USF2: variants seen among roughly 807,000 people sequenced by gnomAD.
USF2 encodes upstream stimulatory factor 2.
In USF2, 16 loss-of-function variants were observed where a neutral mutation model predicts 46.9. That is an observed-to-expected ratio of 0.34 (90% CI 0.23 to 0.52). The LOEUF is 0.52. Ranked by LOEUF, USF2 falls within the 20% of genes least tolerant of loss-of-function variation. USF2 has a pLI of 0.96. For missense variants in USF2, 411 were observed against 474.0 expected, an observed-to-expected ratio of 0.87 and a Z score of 1.23; for synonymous variants, 239 against 194.1, an observed-to-expected ratio of 1.23 and a Z score of -1.92.
chr19:35,278,556 G>A (rs775292893), intron 7 of USF2, 142 bp from the exon 8 acceptor site: 79 of 822,742 alleles, frequency 9.6e-5, no homozygotes, highest in African/African-American at 2.6e-4. Context: ...CTCAGGGTGC[G>A]GCCCCTCACT....
chr19:35,278,915 C>A, intron 8 of USF2, 31 bp from the exon 9 acceptor site: 1 of 1,568,286 alleles, frequency 6.4e-7, no homozygotes, highest in Non-Finnish European at 8.6e-7. Context: ...GCGGTGCCTG[C>A]CCTAAGGCTC....
chr19:35,270,627 G>T lies in USF2; in HGVS notation c.580+30G>T, dbSNP rs2066138758. Reference sequence around the variant, plus strand: ...GGAGTAGAAGTCAGATTGGCAGGTGGGGGAGGCAACGGGCCCAGCAGGGAG... The same window carrying T: ...GGAGTAGAAGTCAGATTGGCAGGTGTGGGAGGCAACGGGCCCAGCAGGGAG... On this transcript the variant is annotated intron_variant, in intron 5 of 9. Transcript: ENST00000222305. The T allele has an allele frequency of 3.1e-6, 5 of 1,611,836 alleles. No homozygotes were observed. The South Asian group carries it at 5.5e-5, about 18-fold the overall frequency.
Position 35,269,492 on chromosome 19 carries a change from G to A in USF2, c.109G>A (p.Gly37Ser). 4 of 1,554,672 alleles carry A rather than the reference G, an allele frequency of 2.6e-6. No individual in the cohort carries two copies. Among genetic ancestry groups the A allele is most frequent in the Non-Finnish European group, 3.5e-6 (4 of 1,156,508 alleles). ...GGAGGAGGGCGTCGAGCTGCAGGAA[G>A]GTGAGTGCTTGCCGGGCCGGCCGCG... ...EAEEGVELQEGGDGPGAEEQT... is the reference protein window; with the variant it reads ...EAEEGVELQESGDGPGAEEQT... Residue 37 changes from glycine to serine, a missense_variant and splice_region_variant, in exon 2 of 10, where the codon GGC (glycine) becomes AGC (serine). Physicochemically the swap from Gly to Ser is moderately conservative, Grantham distance 56 (BLOSUM62 0). This residue lies in a region of USF2 where 318 missense variants were observed against 322.4 expected (regional missense o/e 0.99). Coordinates refer to ENST00000222305, the MANE Select transcript of USF2 (RefSeq NM_003367.4).
intron 4 of USF2, 115 bp from the exon 5 acceptor site, chr19:35,270,332 G>A (rs2066132805): frequency 7.0e-6 from 10 of 1,431,136 alleles, no homozygotes; most frequent in African/African-American, 1.4e-5. Flanking sequence ...CACGCAGAAG[G>A]AGTCCCCACT....
chr19:35,272,883 C>T lies in USF2; in HGVS notation c.727+1742C>T, dbSNP rs533020584. On this transcript the variant is annotated intron_variant, in intron 7 of 9. Coordinates refer to ENST00000222305, the MANE Select transcript of USF2 (RefSeq NM_003367.4). ...GAGTTTGAGGGGCCCCCAGAGCAGCCCCAGCCCCACGACTTACCTGTGGTG... is the reference window on the plus strand; with the variant it reads ...GAGTTTGAGGGGCCCCCAGAGCAGCTCCAGCCCCACGACTTACCTGTGGTG... 6.0e-4 allele frequency among the ~76,000 whole-genome samples: 91 copies of T among 151,904 alleles called. 1 individual carries two copies. Among genetic ancestry groups the T allele is most frequent in the Non-Finnish European group, 4.6e-4 (31 of 67,968 alleles).
rs888682048 is a variant in USF2 at position 35,270,071 on chromosome 19, G to C, written c.429+68G>C. ...AGAGGGGACACTGGCTCTGCTCTTGGGGAGCCCCGGGGGTGGGGCAGGTGT... is the reference window on the plus strand; with the variant it reads ...AGAGGGGACACTGGCTCTGCTCTTGCGGAGCCCCGGGGGTGGGGCAGGTGT... On this transcript the variant is annotated intron_variant, in intron 4 of 9. Coordinates refer to ENST00000222305, the MANE Select transcript of USF2 (RefSeq NM_003367.4). 19 of 1,338,774 alleles carry C rather than the reference G, an allele frequency of 1.4e-5. No individual in the cohort carries two copies. The African/African-American group carries it at 2.8e-4, about 20-fold the overall frequency. The allele number at this position is 1,338,774 out of a possible 1,614,324, so 82.9% of individuals were successfully genotyped here.
intron 4 of USF2, 73 bp from the exon 5 acceptor site, chr19:35,270,374 A>G: frequency 6.4e-7 from 1 of 1,558,262 alleles, no homozygotes; most frequent in African/African-American, 1.4e-5. Context: ...AGTAAACCCC[A>G]AGCACAGCAA....
chr19:35,269,461 C>G lies in USF2; in HGVS notation c.78C>G (p.Pro26=). 1 of 1,545,386 alleles carries G rather than the reference C, an allele frequency of 6.5e-7. No homozygotes were observed. Among genetic ancestry groups the G allele is most frequent in the Non-Finnish European group, 8.7e-7 (1 of 1,154,442 alleles). Residue 26 remains proline, a synonymous_variant, in exon 2 of 10, where the codon CCC becomes CCG. Transcript: ENST00000222305. ...CCCCTGGCAGCCACGACAAGGGACC[C>G]GAGGCGGAGGAGGGCGTCGAGCTGC... is the stretch of plus-strand genomic sequence containing the variant. The part of the protein sequence containing the change: ...AAAAASHDKG[P]EAEEGVELQE...
chr19:35,269,793 C>A lies in USF2; in HGVS notation c.229-10C>A. ...CAGCGCCGGCCTCGCCGCTCTGCCG[C>A]CCCCTGCAGGTGACATACCGCGTAG... On this transcript the variant is annotated splice_polypyrimidine_tract_variant and intron_variant, in intron 3 of 9. Transcript: ENST00000222305. The A allele has an allele frequency of 2.0e-6, 3 of 1,491,514 alleles. No homozygotes were observed. Among genetic ancestry groups the A allele is most frequent in the Non-Finnish European group, 1.8e-6 (2 of 1,124,868 alleles). The allele number at this position is 1,491,514 out of a possible 1,614,324, so 92.4% of individuals were successfully genotyped here. A position where few individuals can be genotyped will look rare whatever the true frequency, so the allele number is the denominator to read the frequency against.
At position 35,279,196 on chromosome 19, in the gene USF2, G is replaced by A. The variant is rs1452124921; in HGVS notation, c.981G>A (p.Leu327=). 6.2e-7 allele frequency: 1 copy of A among 1,600,768 alleles called. No individual in the cohort carries two copies. The highest frequency in any genetic ancestry group is 1.3e-5 in the African/African-American group (1 of 74,526). Residue 327 remains leucine, a synonymous_variant, in exon 10 of 10, where the codon CTG becomes CTA. Coordinates refer to ENST00000222305, the MANE Select transcript of USF2 (RefSeq NM_003367.4). ...QIEELKNENA[L]LRAQLQQHNL... ...AGGAGCTGAAGAATGAGAACGCCCT[G>A]CTTCGAGCCCAGCTGCAGCAGCACA... is the stretch of plus-strand genomic sequence containing the variant.
chr19:35,278,555 C>T (rs554430798), intron 7 of USF2, 143 bp from the exon 8 acceptor site: 6 of 822,686 alleles, frequency 7.3e-6, no homozygotes, highest in Non-Finnish European at 1.2e-5. Context: ...GCTCAGGGTG[C>T]GGCCCCTCAC....
At position 35,278,951 on chromosome 19, in the gene USF2, A is replaced by G; in HGVS notation, c.828A>G (p.Lys276=). ...CTGGTCCCCTCGCCCCCCAGAGTAA[A>G]GGAGGGATCCTGTCCAAGGCCTGCG... ...NADNSKTGAS[K]GGILSKACDY... Residue 276 remains lysine, a synonymous_variant, in exon 9 of 10, where the codon AAA becomes AAG. Transcript: ENST00000222305. The G allele has an allele frequency of 6.4e-7, 1 of 1,555,632 alleles. No individual in the cohort carries two copies. The highest frequency in any genetic ancestry group is 8.7e-7 in the Non-Finnish European group (1 of 1,150,854).
chr19:35,278,803 C>G lies in USF2; in HGVS notation c.822+11C>G. ...AGCAAGACGGGAGCGGTGAGCACCCCGGACCCTCAGTGTCTGCGGTGGTCC... is the reference window on the plus strand; with the variant it reads ...AGCAAGACGGGAGCGGTGAGCACCCGGGACCCTCAGTGTCTGCGGTGGTCC... On this transcript the variant is annotated intron_variant, in intron 8 of 9. Coordinates refer to ENST00000222305, the MANE Select transcript of USF2 (RefSeq NM_003367.4). The G allele has an allele frequency of 1.2e-6, 2 of 1,613,814 alleles. No individual in the cohort carries two copies. The highest frequency in any genetic ancestry group is 1.3e-5 in the African/African-American group (1 of 75,046).
At chr19:35,272,505 G>A (rs973796488) in intron 7 of USF2, among the ~76,000 whole-genome samples, 4 of 152,200 alleles carry the variant, frequency 2.6e-5, no homozygotes, top group Admixed American at 1.3e-4. Context: ...TGTGTCTGCA[G>A]AAGAGCAGAA....
intron 7 of USF2, among the ~76,000 whole-genome samples, chr19:35,274,852 G>A (rs1054437103): frequency 6.6e-6 from 1 of 152,220 alleles, no homozygotes; most frequent in African/African-American, 2.4e-5. Flanking sequence ...GCATGTGTGC[G>A]CTGCCTGAAG....
At chr19:35,270,271 C>A in intron 4 of USF2, 176 bp from the exon 5 acceptor site, 1 of 1,036,374 alleles carries the variant, frequency 9.6e-7, no homozygotes, top group Non-Finnish European at 1.4e-6. Context: ...CAAGTGATCG[C>A]TGACCTCCCG....
chr19:35,276,786 G>T (rs185006614), intron 7 of USF2, among the ~76,000 whole-genome samples: 1 of 152,106 alleles, frequency 6.6e-6, no homozygotes, highest in Non-Finnish European at 1.5e-5. Flanking sequence ...TGGCGTTCCC[G>T]AGGCACTTTG....
chr19:35,272,084 G>T (rs2066164737), intron 7 of USF2, among the ~76,000 whole-genome samples: 1 of 152,168 alleles, frequency 6.6e-6, no homozygotes, highest in Non-Finnish European at 1.5e-5. Flanking sequence ...ATGGGACTGG[G>T]GTCTGTGGCC....
chr19:35,270,981 A>G lies in USF2; in HGVS notation c.669-102A>G, dbSNP rs1453717422. 5 of 1,526,192 alleles carry G rather than the reference A, an allele frequency of 3.3e-6. No homozygotes were observed. The African/African-American group carries it at 5.5e-5, about 17-fold the overall frequency. The allele number at this position is 1,526,192 out of a possible 1,614,324, so 94.5% of individuals were successfully genotyped here. On this transcript the variant is annotated intron_variant, in intron 6 of 9. Transcript: ENST00000222305. ...TCATGTCTTTTGTTTTTGCAGATGG[A>G]TTTACCTTGCAAAGATAATTTTCAA...
Sources: gnomAD v4.1 joint callset for allele counts (sites outside exome capture counted in the v4.1 genomes callset) on GRCh38, gnomAD v4.1.1 for gene constraint, gnomAD v4.1.1 regional missense constraint, MANE v1.5 for transcripts, NCBI Gene and HGNC (gene_info 2026-07-23, HGNC 2026-07-21) for gene names.